CCDC125: variants seen among roughly 807,000 people sequenced by gnomAD.
The protein encoded by CCDC125 is coiled-coil domain-containing protein 125.
In CCDC125, 43 loss-of-function variants were observed where a neutral mutation model predicts 57.4. That is an observed-to-expected ratio of 0.75 (90% CI 0.59 to 0.97). The LOEUF is 0.97. Ranked by LOEUF, CCDC125 falls within the 50% of genes least tolerant of loss-of-function variation. The pLI is 0.00. For missense variants in CCDC125, 563 were observed against 595.7 expected, an observed-to-expected ratio of 0.95 and a Z score of 0.57; for synonymous variants, 187 against 195.2, an observed-to-expected ratio of 0.96 and a Z score of 0.35.
intron 7 of CCDC125, among the ~76,000 whole-genome samples, chr5:69,301,579 C>T (rs1045332735): frequency 6.6e-6 from 1 of 151,824 alleles, no homozygotes; most frequent in Non-Finnish European, 1.5e-5. Context: ...TACAGAAAGA[C>T]AAAAATATTA....
rs1561451056 is a variant in CCDC125, at chr5:69,306,847, A to G, written c.587T>C (p.Ile196Thr). 4 of 1,515,674 alleles carry G rather than the reference A, an allele frequency of 2.6e-6. No individual in the cohort carries two copies. Among genetic ancestry groups the G allele is most frequent in the Non-Finnish European group, 3.5e-6 (4 of 1,136,342 alleles). 93.9% of individuals were successfully genotyped at this position (1,515,674 alleles called of 1,614,324 possible). A position where few individuals can be genotyped will look rare whatever the true frequency, so the allele number is the denominator to read the frequency against. ...IEFDHNRFKN[I>T]EESWIQKYDR... ...ATATTTTTGGATCCAAGATTCCTCT[A>G]TATTTTTAAATCTATTATGATCAAA... The change falls in exon 6 of 12, where the codon ATA becomes ACA. Residue 196 changes from isoleucine to threonine, a missense_variant. Coordinates refer to ENST00000396496, the MANE Select transcript of CCDC125 (RefSeq NM_176816.5).
chr5:69,285,364 T>C lies in CCDC125; in HGVS notation c.1203A>G (p.Gln401=), dbSNP rs1264471148. The stretch of plus-strand genomic sequence containing the variant: ...AATCTATGAGCATCTTAAGGACCTC[T>C]TGAGGACTGTCCTGGTCTTCCATCC... ...SKRMEDQDSP[Q]EVLKMLIDLL... is the part of the protein sequence containing the mutation. Residue 401 remains glutamine, a synonymous_variant, in exon 11 of 12, where the codon CAA becomes CAG. Coordinates refer to ENST00000396496, the MANE Select transcript of CCDC125 (RefSeq NM_176816.5). The C allele has an allele frequency of 6.2e-7, 1 of 1,612,250 alleles. No homozygotes were observed. The highest frequency in any genetic ancestry group is 1.7e-5 in the Admixed American group (1 of 59,228).
chr5:69,279,936 G>C (rs995331610), downstream of CCDC125, among the ~76,000 whole-genome samples: 1 of 152,204 alleles, frequency 6.6e-6, no homozygotes, highest in Non-Finnish European at 1.5e-5. Context: ...AATCCTGGCA[G>C]AAGGGGAAGC....
intron 8 of CCDC125, among the ~76,000 whole-genome samples, chr5:69,296,030 C>A (rs1755262615): frequency 6.6e-6 from 1 of 151,930 alleles, no homozygotes; most frequent in South Asian, 2.1e-4. Flanking sequence ...ACTACAGGCG[C>A]CACCACGCCC....
At chr5:69,298,618 G>C (rs1028858607) in intron 8 of CCDC125, among the ~76,000 whole-genome samples, 3 of 152,076 alleles carry the variant, frequency 2.0e-5, no homozygotes, top group African/African-American at 7.2e-5. Flanking sequence ...AACGGGTTGC[G>C]GCCAGGACCC....
At chr5:69,290,801 T>G (rs932402000) in intron 10 of CCDC125, among the ~76,000 whole-genome samples, 1 of 151,678 alleles carries the variant, frequency 6.6e-6, no homozygotes, top group African/African-American at 2.4e-5. Context: ...GGCTAATTTT[T>G]GTATTTTTAG....
At position 69,294,894 on chromosome 5, in the gene CCDC125, CCG is replaced by C; in HGVS notation, c.821_822del (p.Ala274GlyfsTer42). On this transcript the variant is annotated frameshift_variant, in exon 9 of 12. Transcript: ENST00000396496. LOFTEE classifies it high-confidence loss of function. ...GFAEASGLEL[A>X]VLGACLCHGP... ...CCATGACAAAGGCAGGCTCCGAGGA[CCG>C]CAAGCTTTAAATTGAAAAGCATTGC... 6.2e-7 allele frequency: 1 copy of C among 1,612,762 alleles called. No individual in the cohort carries two copies. The highest frequency in any genetic ancestry group is 8.5e-7 in the Non-Finnish European group (1 of 1,179,598).
rs552647133 is a variant in CCDC125, at chr5:69,280,472, T to C, written c.*2257A>G. ...CACCTCACCTCCTTATGAATAATAA[T>C]GCAAAACTCCCATAAAGGGAGTTTC... is the stretch of plus-strand genomic sequence containing the variant. On this transcript the variant is annotated 3_prime_UTR_variant, in exon 12 of 12. Transcript: ENST00000396496. The C allele has an allele frequency of 6.6e-6, 1 of 152,310 alleles. No individual in the cohort carries two copies. Among genetic ancestry groups the C allele is most frequent in the South Asian group, 2.1e-4 (1 of 4,824 alleles). 9.4% of individuals were successfully genotyped at this position (152,310 alleles called of 1,614,324 possible).
downstream of CCDC125, among the ~76,000 whole-genome samples, chr5:69,279,824 A>G (rs1752381133): frequency 6.9e-6 from 1 of 145,952 alleles, no homozygotes; most frequent in South Asian, 2.2e-4. Flanking sequence ...TCCGTTCTCA[A>G]ACTGCTATAA....
At chr5:69,303,548 A>G (rs1756862987) in intron 7 of CCDC125, among the ~76,000 whole-genome samples, 2 of 151,624 alleles carry the variant, frequency 1.3e-5, no homozygotes, top group Admixed American at 6.6e-5. Context: ...TATTTTTGGT[A>G]GAAATGGAGT....
chr5:69,305,918 T>C (rs946971507), intron 6 of CCDC125, among the ~76,000 whole-genome samples: 1 of 152,184 alleles, frequency 6.6e-6, no homozygotes, highest in Non-Finnish European at 1.5e-5. Context: ...GGGGCCACGA[T>C]AGGATTGTGT....
At chr5:69,283,734 C>T (rs941929290) in intron 11 of CCDC125, among the ~76,000 whole-genome samples, 3 of 151,812 alleles carry the variant, frequency 2.0e-5, no homozygotes, top group Admixed American at 6.6e-5. Context: ...GTGATCCACT[C>T]GCCTCGGCCT....
intron 7 of CCDC125, among the ~76,000 whole-genome samples, chr5:69,300,768 A>G (rs563016696): frequency 5.3e-5 from 8 of 151,888 alleles, no homozygotes; most frequent in South Asian, 4.2e-4. Flanking sequence ...TGCAGATCTC[A>G]GCTGGAGGCG....
intron 1 of CCDC125, among the ~76,000 whole-genome samples, chr5:69,322,085 C>T (rs555134917): frequency 6.6e-6 from 1 of 152,024 alleles, no homozygotes; most frequent in Non-Finnish European, 1.5e-5. Context: ...AGGTGATCTG[C>T]CTGCCTCGGC....
chr5:69,313,049 A>T (rs1758413561), intron 3 of CCDC125, among the ~76,000 whole-genome samples: 1 of 151,868 alleles, frequency 6.6e-6, no homozygotes, highest in Non-Finnish European at 1.5e-5. Context: ...GAAGAGGGGG[A>T]GGAACAGGTG....
chr5:69,297,347 A>ATATTTATTTATTTATTTATT (rs376399179), intron 8 of CCDC125, among the ~76,000 whole-genome samples: 1 of 150,870 alleles, frequency 6.6e-6, no homozygotes, highest in African/African-American at 2.4e-5. Flanking sequence ...GGCCTGTGCC[A>ATATTTATTTATTTATTTATT]TATTTATTTA....
intron 1 of CCDC125, among the ~76,000 whole-genome samples, chr5:69,321,561 T>G (rs889974970): frequency 5.3e-5 from 8 of 152,236 alleles, no homozygotes; most frequent in Non-Finnish European, 1.0e-4. Flanking sequence ...CACTGAATAC[T>G]GTAGGAAATC....
At chr5:69,294,555 A>C (rs955757867) in intron 9 of CCDC125, among the ~76,000 whole-genome samples, 3 of 152,154 alleles carry the variant, frequency 2.0e-5, no homozygotes, top group Admixed American at 6.5e-5. Flanking sequence ...AGCCTCCCAA[A>C]GTGCTGGGAT....
At chr5:69,322,137 A>G (rs996736609) in intron 1 of CCDC125, among the ~76,000 whole-genome samples, 1 of 150,636 alleles carries the variant, frequency 6.6e-6, no homozygotes, top group African/African-American at 2.4e-5. Flanking sequence ...CACCGCGCCC[A>G]GCTGGGTTTT....
Sources: allele counts gnomAD v4.1 joint callset (sites outside exome capture counted in the v4.1 genomes callset), GRCh38; gene constraint gnomAD v4.1.1; transcripts MANE v1.5; gene names NCBI Gene and HGNC (gene_info 2026-07-23, HGNC 2026-07-21).